The following TMEM163 variants were observed in gnomAD, a reference collection of about 807,000 sequenced individuals.
TMEM163 encodes transmembrane protein 163.
A neutral mutation model predicts 29.3 loss-of-function variants in TMEM163; 17 were observed. The observed-to-expected ratio is 0.58, with a 90% CI of 0.40 to 0.87. The LOEUF (loss-of-function observed/expected upper bound fraction) is 0.87. TMEM163 is among the 40% of genes least tolerant of loss of function. TMEM163 has a pLI of 0.00. For missense variants in TMEM163, 303 were observed against 381.5 expected (o/e 0.79, Z 1.71); for synonymous variants, 157 against 160.6 (o/e 0.98, Z 0.17).
intron 2 of TMEM163, among the ~76,000 whole-genome samples, chr2:134,683,839 C>A (rs1296830383): frequency 1.3e-5 from 2 of 149,724 alleles, no homozygotes; most frequent in African/African-American, 5.1e-5. Context: ...GAACTTGACA[C>A]GTCAACACCA....
rs368374371 is a variant in TMEM163, at chr2:134,589,792, C to T, written c.323-37701G>A. On this transcript the variant is annotated intron_variant, in intron 2 of 7. Transcript: ENST00000281924. ...TAAACTTGCTTTCACTTCATGGACTCGCCCTGAATTCTTTTCTTGCACGAG... is the reference window on the plus strand; with the variant it reads ...TAAACTTGCTTTCACTTCATGGACTTGCCCTGAATTCTTTTCTTGCACGAG... Among the ~76,000 whole-genome samples the T allele has an allele frequency of 4.3e-4, 65 of 152,322 alleles. 1 individual carries two copies. The East Asian group carries it at 0.012, about 28-fold the overall frequency.
chr2:134,650,991 C>T (rs1407678511), intron 2 of TMEM163, among the ~76,000 whole-genome samples: 1 of 104,178 alleles, frequency 9.6e-6, no homozygotes, highest in Non-Finnish European at 1.8e-5. Flanking sequence ...GTGAATAATG[C>T]CGCAATAAAC....
chr2:134,502,423 A>G (rs1304025211), intron 5 of TMEM163, among the ~76,000 whole-genome samples: 1 of 152,258 alleles, frequency 6.6e-6, no homozygotes, highest in African/African-American at 2.4e-5. Context: ...GACACATTTT[A>G]ATATGAATTT....
intron 2 of TMEM163, among the ~76,000 whole-genome samples, chr2:134,699,904 T>G (rs1684661162): frequency 6.6e-6 from 1 of 152,242 alleles, no homozygotes; most frequent in Non-Finnish European, 1.5e-5. Flanking sequence ...TCAAATCTAT[T>G]TTCACTAATT....
intron 2 of TMEM163, among the ~76,000 whole-genome samples, chr2:134,639,485 T>G (rs1254859036): frequency 6.6e-6 from 1 of 152,184 alleles, no homozygotes; most frequent in Non-Finnish European, 1.5e-5. Flanking sequence ...CTGGTAGCTT[T>G]TGCTTTCACT....
Position 134,456,766 on chromosome 2 carries a change from C to T in TMEM163, c.820G>A (p.Asp274Asn), listed in dbSNP as rs778498109. ...GTCTGCCTCACCCTCGGCACCATGTCGATGAGGAGTCTGCAAAGACGAAGA... is the reference window on the plus strand; with the variant it reads ...GTCTGCCTCACCCTCGGCACCATGTTGATGAGGAGTCTGCAAAGACGAAGA... Reference protein sequence around the residue: ...IFAYGVKLLIDMVPRVRQTRH... With the variant: ...IFAYGVKLLINMVPRVRQTRH... Residue 274 changes from aspartate to asparagine, a missense_variant, in exon 8 of 8, where the codon GAC becomes AAC. Transcript: ENST00000281924. 10 of 1,613,722 alleles carry T rather than the reference C, an allele frequency of 6.2e-6. No homozygotes were observed. The highest frequency in any genetic ancestry group is 3.3e-5 in the South Asian group (3 of 90,940).
chr2:134,502,462 C>G (rs927589298), intron 5 of TMEM163, among the ~76,000 whole-genome samples: 2 of 152,114 alleles, frequency 1.3e-5, no homozygotes, highest in African/African-American at 4.8e-5. Flanking sequence ...ATCCCAGTGT[C>G]AATTGTGCCA....
intron 2 of TMEM163, among the ~76,000 whole-genome samples, chr2:134,644,010 G>C (rs1304913957): frequency 6.6e-6 from 1 of 151,932 alleles, no homozygotes; most frequent in Non-Finnish European, 1.5e-5. Context: ...GTTTTATAAA[G>C]CATTTACAAT....
At chr2:134,487,989 C>T (rs1450010124) in intron 5 of TMEM163, among the ~76,000 whole-genome samples, 1 of 150,222 alleles carries the variant, frequency 6.7e-6, no homozygotes, top group African/African-American at 2.4e-5. Context: ...CAAAAACAAA[C>T]CACCACAATC....
At chr2:134,641,760 C>A (rs890721398) in intron 2 of TMEM163, among the ~76,000 whole-genome samples, 1 of 152,064 alleles carries the variant, frequency 6.6e-6, no homozygotes, top group Non-Finnish European at 1.5e-5. Flanking sequence ...TATGAATGCT[C>A]TAAATGCACC....
rs1159013721 is a variant in TMEM163 at position 134,493,362 on chromosome 2, C to CTTTTTTTT, written c.555+9531_555+9538dup. ...GACTTATGGTTCAAGCTTTTGGTGT[C>CTTTTTTTT]TTTTTTTTTTTTTTTTTTTTTTTTT... On this transcript the variant is annotated intron_variant, in intron 5 of 7. Coordinates refer to ENST00000281924, the MANE Select transcript of TMEM163 (RefSeq NM_030923.5). Among the ~76,000 whole-genome samples, 77 of 49,848 alleles carry CTTTTTTTT rather than the reference C, an allele frequency of 1.5e-3. 21 individuals are homozygous for CTTTTTTTT. The highest frequency in any genetic ancestry group is 4.8e-3 in the African/African-American group (54 of 11,232). The allele number at this position is 49,848 out of a possible 152,430, so 32.7% of individuals were successfully genotyped here.
intron 2 of TMEM163, among the ~76,000 whole-genome samples, chr2:134,586,928 AGTAAGCTG>A (rs1681835445): frequency 6.6e-6 from 1 of 152,192 alleles, no homozygotes; most frequent in African/African-American, 2.4e-5. Context: ...TTTCCACACC[AGTAAGCTG>A]TAGACAGAGT....
At chr2:134,663,155 C>T (rs541129723) in intron 2 of TMEM163, among the ~76,000 whole-genome samples, 13 of 152,232 alleles carry the variant, frequency 8.5e-5, no homozygotes, top group African/African-American at 2.2e-4. Context: ...TTAAACAGAA[C>T]TGCAAAAAGG....
intron 2 of TMEM163, among the ~76,000 whole-genome samples, chr2:134,642,123 C>T (rs989914837): frequency 6.6e-6 from 1 of 151,916 alleles, no homozygotes; most frequent in Non-Finnish European, 1.5e-5. Flanking sequence ...TAAGACCAAT[C>T]CACGATTTTT....
intron 2 of TMEM163, among the ~76,000 whole-genome samples, chr2:134,552,394 A>G (rs1680950326): frequency 2.0e-5 from 3 of 152,164 alleles, no homozygotes; most frequent in Admixed American, 1.3e-4. Context: ...GAATTTAGCA[A>G]CTGGGAACTA....
chr2:134,470,562 C>T (rs1189777632), intron 5 of TMEM163, among the ~76,000 whole-genome samples: 1 of 152,172 alleles, frequency 6.6e-6, no homozygotes, highest in Non-Finnish European at 1.5e-5. Flanking sequence ...ATTACCTTTC[C>T]CTGTAGAGGA....
At chr2:134,611,080 C>A (rs1266574667) in intron 2 of TMEM163, among the ~76,000 whole-genome samples, 1 of 151,876 alleles carries the variant, frequency 6.6e-6, no homozygotes, top group African/African-American at 2.4e-5. Flanking sequence ...GGAAAAAAAC[C>A]AAACAAATAA....
rs533947521 is a variant in TMEM163 at position 134,539,575 on chromosome 2, A to G, written c.458+10995T>C. Among the ~76,000 whole-genome samples, 48 of 152,330 alleles carry G rather than the reference A, an allele frequency of 3.2e-4. 1 individual carries two copies. Among genetic ancestry groups the G allele is most frequent in the South Asian group, 1.2e-3 (6 of 4,824 alleles). ...TGCTTGATATGATTACAAAAACTGTATATGTATCTTATAAAATATTTTTCC... is the reference window on the plus strand; with the variant it reads ...TGCTTGATATGATTACAAAAACTGTGTATGTATCTTATAAAATATTTTTCC... On this transcript the variant is annotated intron_variant, in intron 4 of 7. Transcript: ENST00000281924.
intron 2 of TMEM163, among the ~76,000 whole-genome samples, chr2:134,568,736 AAAG>A (rs1361741367): frequency 6.6e-6 from 1 of 152,132 alleles, no homozygotes; most frequent in African/African-American, 2.4e-5. Flanking sequence ...ACAAAGAAAG[AAAG>A]AAAAAAGAAT....
Sources: gnomAD v4.1 joint callset for allele counts (sites outside exome capture counted in the v4.1 genomes callset) on GRCh38, gnomAD v4.1.1 for gene constraint, MANE v1.5 for transcripts, NCBI Gene and HGNC (gene_info 2026-07-23, HGNC 2026-07-21) for gene names.